The following SCAI variants were observed in gnomAD, a reference collection of about 807,000 sequenced individuals.
The protein encoded by SCAI is suppressor of cancer cell invasion.
A neutral mutation model predicts 92.2 loss-of-function variants in SCAI; 24 were observed. The ratio of observed to expected loss-of-function variants is 0.26; its 90% confidence interval spans 0.19 to 0.37. SCAI has a LOEUF of 0.37. Ranked by LOEUF, SCAI falls within the 10% of genes least tolerant of loss-of-function variation. SCAI has a pLI of 1.00. For synonymous variants in SCAI, 261 were observed against 258.6 expected (o/e 1.01, Z -0.09); for missense variants, 450 against 736.2 (o/e 0.61, Z 4.50).
chr9:125,079,418 G>A (rs575695590), intron 2 of SCAI, among the ~76,000 whole-genome samples: 23 of 152,280 alleles, frequency 1.5e-4, no homozygotes, highest in Middle Eastern at 3.4e-3. Flanking sequence ...GAAGATCTGC[G>A]TATAATTGAA....
intron 14 of SCAI, among the ~76,000 whole-genome samples, chr9:124,978,648 T>C (rs1450752759): frequency 6.6e-6 from 1 of 152,194 alleles, no homozygotes; most frequent in African/African-American, 2.4e-5. Flanking sequence ...ATTTTCCCTA[T>C]AGATACACTA....
intron 9 of SCAI, 105 bp from the exon 10 acceptor site, chr9:125,003,675 C>A (rs776027053): frequency 2.9e-6 from 2 of 681,612 alleles, no homozygotes; most frequent in Admixed American, 2.6e-5. Flanking sequence ...TACTTCAGGG[C>A]TTTGGGTACC....
chr9:124,958,397 C>T (rs1247057939), intron 17 of SCAI, among the ~76,000 whole-genome samples: 23 of 152,132 alleles, frequency 1.5e-4, no homozygotes. Context: ...ATTTAGAGTT[C>T]AGAAATATCC....
intron 3 of SCAI, among the ~76,000 whole-genome samples, chr9:125,034,866 T>G (rs1424815000): frequency 6.6e-6 from 1 of 152,242 alleles, no homozygotes; most frequent in Non-Finnish European, 1.5e-5. Flanking sequence ...AGATCATTTC[T>G]CAACTCCTGG....
chr9:125,006,825 T>C (rs1203168516), intron 9 of SCAI, among the ~76,000 whole-genome samples: 1 of 152,066 alleles, frequency 6.6e-6, no homozygotes, highest in Non-Finnish European at 1.5e-5. Flanking sequence ...ATAAATGAAA[T>C]GTAAAAACTG....
chr9:125,024,261 G>A (rs1832924401), intron 6 of SCAI, among the ~76,000 whole-genome samples: 1 of 151,124 alleles, frequency 6.6e-6, no homozygotes, highest in South Asian at 2.1e-4. Flanking sequence ...ATGTAAAATT[G>A]AAGGCTTTTT....
At chr9:125,013,379 C>T (rs1588151737) in intron 9 of SCAI, among the ~76,000 whole-genome samples, 1 of 152,248 alleles carries the variant, frequency 6.6e-6, no homozygotes, top group East Asian at 1.9e-4. Context: ...ATACAAACTA[C>T]CATCAGAGAA....
chr9:125,064,980 T>C (rs924932065), intron 2 of SCAI, among the ~76,000 whole-genome samples: 1 of 152,132 alleles, frequency 6.6e-6, no homozygotes, highest in African/African-American at 2.4e-5. Context: ...TTAAAGCTTA[T>C]AGATACAGAT....
intron 14 of SCAI, among the ~76,000 whole-genome samples, chr9:124,989,222 G>A (rs530621791): frequency 1.2e-4 from 18 of 152,254 alleles, no homozygotes; most frequent in Admixed American, 7.2e-4. Flanking sequence ...GATTCTATAC[G>A]TTTCCAGACA....
intron 9 of SCAI, among the ~76,000 whole-genome samples, chr9:125,004,858 G>A (rs1176492831): frequency 7.8e-5 from 10 of 127,546 alleles, no homozygotes; most frequent in South Asian, 2.7e-4. Context: ...GCGCGCTCTC[G>A]GCTCACTGCA....
At chr9:125,115,390 A>C (rs895198188) in intron 2 of SCAI, among the ~76,000 whole-genome samples, 5 of 151,366 alleles carry the variant, frequency 3.3e-5, no homozygotes, top group Middle Eastern at 3.2e-3. Flanking sequence ...AAAAAAAAAA[A>C]AAAACTCTTG....
intron 13 of SCAI, among the ~76,000 whole-genome samples, chr9:124,997,200 A>G (rs568476808): frequency 6.6e-6 from 1 of 152,354 alleles, no homozygotes; most frequent in South Asian, 2.1e-4. Context: ...CGATGCCACA[A>G]GTAGAAAATT....
intron 2 of SCAI, among the ~76,000 whole-genome samples, chr9:125,120,218 C>T (rs1835131347): frequency 6.6e-6 from 1 of 152,124 alleles, no homozygotes; most frequent in Non-Finnish European, 1.5e-5. Flanking sequence ...GGTTGTATGC[C>T]AGAATATACC....
intron 2 of SCAI, among the ~76,000 whole-genome samples, chr9:125,116,766 TA>T (rs548203823): frequency 1.5e-3 from 226 of 152,238 alleles, no homozygotes; most frequent in African/African-American, 5.0e-3. Context: ...CTAGATGCTT[TA>T]AAAATATCTG....
intron 14 of SCAI, among the ~76,000 whole-genome samples, chr9:124,984,854 T>C (rs1453392172): frequency 3.3e-5 from 5 of 151,954 alleles, no homozygotes; most frequent in African/African-American, 9.7e-5. Flanking sequence ...AAGTCAGCTG[T>C]AGGTGGAAAA....
At chr9:125,112,007 G>A (rs925424357) in intron 2 of SCAI, among the ~76,000 whole-genome samples, 3 of 152,156 alleles carry the variant, frequency 2.0e-5, no homozygotes, top group Non-Finnish European at 4.4e-5. Context: ...AACTACCAGA[G>A]AGGAAAGAAT....
At chr9:125,001,852 T>C (rs886366140) in intron 12 of SCAI, 113 bp downstream of exon 12, 1 of 643,606 alleles carries the variant, frequency 1.6e-6, no homozygotes, top group African/African-American at 1.8e-5. Flanking sequence ...GGTTTCAAAT[T>C]TGGAAGTCTG....
At chr9:125,105,622 AG>A (rs1434234501) in intron 2 of SCAI, among the ~76,000 whole-genome samples, 1 of 152,244 alleles carries the variant, frequency 6.6e-6, no homozygotes, top group Non-Finnish European at 1.5e-5. Flanking sequence ...AATATATTTT[AG>A]GAATAAAGAG....
In SCAI at chr9:125,112,739, G is replaced by A. The variant is rs563092756; in HGVS notation, c.98+29894C>T. Among the ~76,000 whole-genome samples the A allele has an allele frequency of 3.9e-5, 6 of 152,336 alleles. No individual in the cohort carries two copies. In the South Asian group the frequency reaches 8.3e-4, roughly 21 times the overall value. On this transcript the variant is annotated intron_variant, in intron 2 of 17. Coordinates refer to ENST00000336505, the MANE Select transcript of SCAI (RefSeq NM_001144877.3). The stretch of plus-strand genomic sequence containing the variant: ...CAATAAAAGGAATCAGGGATCCTTG[G>A]AGAAATATCTGATTCTATGACTGAG...
Sources: gnomAD v4.1 joint callset for allele counts (sites outside exome capture counted in the v4.1 genomes callset) on GRCh38, gnomAD v4.1.1 for gene constraint, MANE v1.5 for transcripts, NCBI Gene and HGNC (gene_info 2026-07-23, HGNC 2026-07-21) for gene names.